Variants in ADK observed in about 807,000 individuals in gnomAD.
The protein encoded by ADK is N6,N6-dimethyladenosine kinase.
Under a neutral mutation model 44.7 loss-of-function variants are expected in ADK, and 24 were observed. The ratio of observed to expected loss-of-function variants is 0.54; its 90% confidence interval spans 0.39 to 0.76. The LOEUF (loss-of-function observed/expected upper bound fraction) is 0.76. ADK is among the 30% of genes least tolerant of loss of function. The pLI is 0.00. For synonymous variants in ADK, 128 were observed against 142.6 expected, an observed-to-expected ratio of 0.90 and a Z score of 0.73; for missense variants, 321 against 425.1, an observed-to-expected ratio of 0.76 and a Z score of 2.15.
intron 9 of ADK, among the ~76,000 whole-genome samples, chr10:74,665,417 C>CA (rs893499039): frequency 1.2e-4 from 19 of 152,172 alleles, no homozygotes; most frequent in African/African-American, 4.6e-4. Flanking sequence ...GAGGCAGTGG[C>CA]AGGGGTAGTG....
At chr10:74,470,445 G>A (rs1275036438) in intron 6 of ADK, among the ~76,000 whole-genome samples, 1 of 151,854 alleles carries the variant, frequency 6.6e-6, no homozygotes, top group Non-Finnish European at 1.5e-5. Context: ...CTTGTTTTCA[G>A]ATCTTTTGGA....
chr10:74,682,575 CT>C (rs11298231), intron 10 of ADK, among the ~76,000 whole-genome samples: 36,842 of 132,156 alleles, frequency 0.28, 6,403 homozygotes, highest in East Asian at 0.74. Context: ...CTTTTCTTTT[CT>C]TTTTTTTTTT....
intron 3 of ADK, among the ~76,000 whole-genome samples, chr10:74,236,023 T>C (rs1844946895): frequency 6.6e-6 from 1 of 152,210 alleles, no homozygotes; most frequent in Non-Finnish European, 1.5e-5. Context: ...CTGAGAAACA[T>C]ATTAATGTTT....
At chr10:74,675,616 A>G (rs771103716) in intron 10 of ADK, among the ~76,000 whole-genome samples, 1 of 152,142 alleles carries the variant, frequency 6.6e-6, no homozygotes, top group African/African-American at 2.4e-5. Flanking sequence ...TCAGGAAAAA[A>G]TTTCTTCCTG....
At chr10:74,316,661 T>G (rs949387923) in intron 4 of ADK, among the ~76,000 whole-genome samples, 1 of 152,210 alleles carries the variant, frequency 6.6e-6, no homozygotes, top group African/African-American at 2.4e-5. Flanking sequence ...AACTAAAACT[T>G]TTTTCTTTAT....
In ADK at chr10:74,298,491, A is replaced by G. The variant is rs1839891935; in HGVS notation, c.195-16176A>G. Among the ~76,000 whole-genome samples, 4 of 152,076 alleles carry G rather than the reference A, an allele frequency of 2.6e-5. No homozygotes were observed. The South Asian group carries it at 8.3e-4, about 32-fold the overall frequency. On this transcript the variant is annotated intron_variant, in intron 3 of 10. Transcript: ENST00000539909. ...CATTAGGCTCGTTGCAGTGGCTCACACCTGTAACCCCAGCATTTTGGGAGT... is the reference window on the plus strand; with the variant it reads ...CATTAGGCTCGTTGCAGTGGCTCACGCCTGTAACCCCAGCATTTTGGGAGT...
chr10:74,573,788 A>G (rs868672524), intron 7 of ADK, among the ~76,000 whole-genome samples: 3 of 152,220 alleles, frequency 2.0e-5, no homozygotes, highest in African/African-American at 7.2e-5. Context: ...GCGAGACTCC[A>G]TGGGCGTAGG....
intron 6 of ADK, among the ~76,000 whole-genome samples, chr10:74,428,957 C>G (rs1370750260): frequency 6.6e-6 from 1 of 152,100 alleles, no homozygotes. Context: ...TCAACTCAAT[C>G]ACAAGAGAAT....
rs2133943806 is a variant in ADK at position 74,595,403 on chromosome 10, TTTGG to T, written c.763-4975_763-4972del. ...TTTTTTTTTTTTTTTGGGGAGGGGGTTTGGCTTTGTCACGCCAGGCTGGAGTGCA... is the reference window on the plus strand; with the variant it reads ...TTTTTTTTTTTTTTTGGGGAGGGGGTCTTTGTCACGCCAGGCTGGAGTGCA... On this transcript the variant is annotated intron_variant, in intron 8 of 10. Transcript: ENST00000539909. Among the ~76,000 whole-genome samples, 2 of 370 alleles carry T rather than the reference TTTGG, an allele frequency of 5.4e-3. 1 individual carries two copies. Among genetic ancestry groups the T allele is most frequent in the Middle Eastern group, 1 (2 of 2 alleles). The allele number at this position is 370 out of a possible 152,430, so 0.2% of individuals were successfully genotyped here.
At chr10:74,668,086 A>T (rs552545187) in intron 9 of ADK, among the ~76,000 whole-genome samples, 151 of 152,328 alleles carry the variant, frequency 9.9e-4, no homozygotes, top group African/African-American at 3.5e-3. Context: ...ATGTAAATGT[A>T]TTGTAAATAG....
chr10:74,352,455 G>A (rs7923592), intron 4 of ADK, among the ~76,000 whole-genome samples: 4 of 152,050 alleles, frequency 2.6e-5, no homozygotes, highest in Non-Finnish European at 4.4e-5. Flanking sequence ...ATGTAAAACC[G>A]AAAACCATAA....
intron 1 of ADK, among the ~76,000 whole-genome samples, chr10:74,173,660 A>G (rs912633618): frequency 1.3e-5 from 2 of 150,344 alleles, no homozygotes; most frequent in African/African-American, 4.9e-5. Context: ...CGAACTCCTG[A>G]CCTTGTGGTC....
chr10:74,410,978 C>T (rs1034864545), intron 6 of ADK, among the ~76,000 whole-genome samples: 2 of 152,044 alleles, frequency 1.3e-5, no homozygotes, highest in Non-Finnish European at 2.9e-5. Flanking sequence ...AACTTTTTCT[C>T]ACCTTTTATC....
At chr10:74,261,319 T>G (rs1185957952) in intron 3 of ADK, among the ~76,000 whole-genome samples, 1 of 152,200 alleles carries the variant, frequency 6.6e-6, no homozygotes, top group African/African-American at 2.4e-5. Context: ...CATTAATTTT[T>G]CTTTGTTTAT....
intron 4 of ADK, among the ~76,000 whole-genome samples, chr10:74,386,508 A>G (rs1020890615): frequency 3.9e-5 from 6 of 152,214 alleles, no homozygotes; most frequent in Non-Finnish European, 7.3e-5. Flanking sequence ...CTTGTTATGA[A>G]GTTTAATATG....
chr10:74,522,802 A>G (rs76910324), intron 6 of ADK, among the ~76,000 whole-genome samples: 4,384 of 152,038 alleles, frequency 0.029, 128 homozygotes, highest in East Asian at 0.1. Context: ...CTCCCCTTCT[A>G]GTTTCCAGTG....
intron 4 of ADK, among the ~76,000 whole-genome samples, chr10:74,317,864 C>G (rs1259566803): frequency 4.6e-5 from 7 of 152,144 alleles, no homozygotes; most frequent in African/African-American, 1.7e-4. Flanking sequence ...TCACTGCAAC[C>G]TCTGCCTCCC....
At chr10:74,663,226 T>A (rs1442118952) in intron 9 of ADK, among the ~76,000 whole-genome samples, 1 of 107,396 alleles carries the variant, frequency 9.3e-6, no homozygotes, top group Admixed American at 1.1e-4. Context: ...CAGAGCAAGA[T>A]GCTATCTCAA....
chr10:74,195,212 A>T (rs1015109836), intron 1 of ADK, among the ~76,000 whole-genome samples: 4 of 152,220 alleles, frequency 2.6e-5, no homozygotes, highest in African/African-American at 9.6e-5. Flanking sequence ...GCTATAGACT[A>T]AACCTCATCT....
Sources: allele counts gnomAD v4.1 joint callset (sites outside exome capture counted in the v4.1 genomes callset), GRCh38; gene constraint gnomAD v4.1.1; transcripts MANE v1.5; gene names NCBI Gene and HGNC (gene_info 2026-07-23, HGNC 2026-07-21).